Variants in NALF1 observed in about 807,000 individuals in gnomAD.
NALF1 encodes family with sequence similarity 155 member A.
In NALF1, 3 loss-of-function variants were observed where a neutral mutation model predicts 48.4. The observed-to-expected ratio is 0.06, with a 90% CI of 0.03 to 0.16. NALF1 has a LOEUF of 0.16. Among genes scored for constraint, NALF1 ranks in the 10% least tolerant of loss-of-function variants. NALF1 has a pLI of 1.00. For synonymous variants in NALF1, 262 were observed against 245.7 expected, an observed-to-expected ratio of 1.07 and a Z score of -0.62; for missense variants, 526 against 571.5, an observed-to-expected ratio of 0.92 and a Z score of 0.81.
intron 1 of NALF1, among the ~76,000 whole-genome samples, chr13:107,243,669 G>A (rs750719705): frequency 2.0e-5 from 3 of 152,270 alleles, no homozygotes; most frequent in Non-Finnish European, 2.9e-5. Context: ...GACATTTAAC[G>A]CTACCTCCTC....
chr13:107,634,741 T>A (rs1879928822), intron 1 of NALF1, among the ~76,000 whole-genome samples: 1 of 151,698 alleles, frequency 6.6e-6, no homozygotes, highest in Non-Finnish European at 1.5e-5. Context: ...GTTGGGAGAA[T>A]CAAGAAAAGT....
chr13:107,181,965 T>G (rs567621029), intron 2 of NALF1, among the ~76,000 whole-genome samples: 5 of 152,272 alleles, frequency 3.3e-5, no homozygotes, highest in African/African-American at 1.2e-4. Flanking sequence ...GTCTGATATA[T>G]CTTTGTCCAT....
At chr13:107,807,257 CAACT>C (rs1878823643) in intron 1 of NALF1, among the ~76,000 whole-genome samples, 2 of 152,048 alleles carry the variant, frequency 1.3e-5, no homozygotes, top group South Asian at 4.1e-4. Flanking sequence ...ATAATATGCA[CAACT>C]AAATACCAAC....
At chr13:107,665,966 G>C (rs1441820756) in intron 1 of NALF1, among the ~76,000 whole-genome samples, 2 of 152,074 alleles carry the variant, frequency 1.3e-5, no homozygotes, top group Non-Finnish European at 2.9e-5. Context: ...AATAAAACTT[G>C]ATGTTCTTTA....
intron 1 of NALF1, among the ~76,000 whole-genome samples, chr13:107,485,804 AG>A (rs1482285519): frequency 6.6e-6 from 1 of 152,194 alleles, no homozygotes; most frequent in African/African-American, 2.4e-5. Context: ...ATGTACACTC[AG>A]GGTCTTTGTT....
chr13:107,724,987 C>G (rs1876106509), intron 1 of NALF1, among the ~76,000 whole-genome samples: 1 of 152,176 alleles, frequency 6.6e-6, no homozygotes, highest in African/African-American at 2.4e-5. Flanking sequence ...AGAACTCACT[C>G]TTAAGAAGTT....
At chr13:107,238,399 T>A (rs1403361089) in intron 1 of NALF1, among the ~76,000 whole-genome samples, 1 of 152,098 alleles carries the variant, frequency 6.6e-6, no homozygotes, top group African/African-American at 2.4e-5. Flanking sequence ...GATGGGTGGA[T>A]GGAGTATTAG....
chr13:107,771,825 C>T (rs1049992668), intron 1 of NALF1, among the ~76,000 whole-genome samples: 12 of 152,120 alleles, frequency 7.9e-5, no homozygotes, highest in Admixed American at 2.6e-4. Context: ...CAGCCTCCGC[C>T]TCCCGGGTTC....
chr13:107,325,875 T>TATATATAC lies in NALF1; in HGVS notation c.916-115121_916-115120insGTATATAT, dbSNP rs1555332558. Among the ~76,000 whole-genome samples, 27 of 100,898 alleles carry TATATATAC rather than the reference T, an allele frequency of 2.7e-4. No individual in the cohort carries two copies. In the East Asian group the frequency reaches 5.5e-3, roughly 21 times the overall value. The allele number at this position is 100,898 out of a possible 152,430, so 66.2% of individuals were successfully genotyped here. A position where few individuals can be genotyped will look rare whatever the true frequency, so the allele number is the denominator to read the frequency against. On this transcript the variant is annotated intron_variant, in intron 1 of 2. Transcript: ENST00000375915. ...ACACACATATATATATATATATATA[T>TATATATAC]ATATATATATATACACACACACACA...
chr13:107,533,585 T>G (rs1876711001), intron 1 of NALF1, among the ~76,000 whole-genome samples: 1 of 152,152 alleles, frequency 6.6e-6, no homozygotes, highest in Admixed American at 6.5e-5. Flanking sequence ...GTATGGTATT[T>G]TGCTACAGCA....
intron 1 of NALF1, among the ~76,000 whole-genome samples, chr13:107,703,061 C>T (rs887173874): frequency 2.6e-5 from 4 of 152,070 alleles, no homozygotes; most frequent in African/African-American, 9.7e-5. Context: ...GGTATATACC[C>T]AATAACAGGA....
chr13:107,495,989 A>C (rs2139073545), intron 1 of NALF1, among the ~76,000 whole-genome samples: 1 of 152,304 alleles, frequency 6.6e-6, no homozygotes, highest in East Asian at 1.9e-4. Flanking sequence ...GTTATGAAAA[A>C]AACTCATAAA....
rs556590733 is a variant in NALF1, at chr13:107,169,215, T to A, written c.*1282A>T. ...CACGTTAATAAAAATGGCTGACCTA[T>A]TTATTTTTTAAAAAAGAAGTTGTTC... is the stretch of plus-strand genomic sequence containing the variant. On this transcript the variant is annotated 3_prime_UTR_variant, in exon 3 of 3. Transcript: ENST00000375915. 1.3e-5 allele frequency: 2 copies of A among 152,504 alleles called. No homozygotes were observed. The highest frequency in any genetic ancestry group is 4.1e-4 in the South Asian group (2 of 4,832). 9.4% of individuals were successfully genotyped at this position (152,504 alleles called of 1,614,324 possible).
chr13:107,371,527 G>T (rs1489249725), intron 1 of NALF1, among the ~76,000 whole-genome samples: 17 of 152,068 alleles, frequency 1.1e-4, no homozygotes, highest in Admixed American at 1.1e-3. Context: ...AAACAGCAAA[G>T]GTGGTACTTC....
At chr13:107,360,369 A>G (rs1883040310) in intron 1 of NALF1, among the ~76,000 whole-genome samples, 2 of 152,154 alleles carry the variant, frequency 1.3e-5, no homozygotes, top group African/African-American at 4.8e-5. Context: ...AAGATCAAAA[A>G]CCCATTGGAA....
At chr13:107,371,949 T>C (rs748208752) in intron 1 of NALF1, among the ~76,000 whole-genome samples, 2 of 152,184 alleles carry the variant, frequency 1.3e-5, no homozygotes, top group South Asian at 2.1e-4. Flanking sequence ...CGTATATACA[T>C]TGACAATAAG....
At chr13:107,340,444 C>CTCTTTCTTTCTTTCTT (rs200120384) in intron 1 of NALF1, among the ~76,000 whole-genome samples, 2 of 134,238 alleles carry the variant, frequency 1.5e-5, no homozygotes, top group African/African-American at 2.7e-5. Flanking sequence ...CCTGACCTTT[C>CTCTTTCTTTCTTTCTT]TCTTTCTTTC....
At chr13:107,486,693 A>G (rs937670384) in intron 1 of NALF1, among the ~76,000 whole-genome samples, 1 of 152,164 alleles carries the variant, frequency 6.6e-6, no homozygotes, top group African/African-American at 2.4e-5. Flanking sequence ...AATTTCTTAC[A>G]TCTTCTTTCC....
At chr13:107,766,139 A>G (rs950675690) in intron 1 of NALF1, among the ~76,000 whole-genome samples, 2 of 152,186 alleles carry the variant, frequency 1.3e-5, no homozygotes, top group African/African-American at 2.4e-5. Context: ...TTACAGATGT[A>G]CGTGCAGCAA....
Sources: gnomAD v4.1 joint callset for allele counts (sites outside exome capture counted in the v4.1 genomes callset) on GRCh38, gnomAD v4.1.1 for gene constraint, MANE v1.5 for transcripts, NCBI Gene and HGNC (gene_info 2026-07-23, HGNC 2026-07-21) for gene names.